INSC: variants seen among roughly 807,000 people sequenced by gnomAD.
The protein encoded by INSC is protein inscuteable homolog.
INSC carries 67 observed loss-of-function variants against 58.6 expected under a neutral mutation model. The observed-to-expected ratio is 1.14, with a 90% CI of 0.94 to 1.40. The LOEUF (loss-of-function observed/expected upper bound fraction) is 1.40, where lower values mean the gene tolerates loss of function less well. Ranked by LOEUF, INSC falls within the 40% of genes most tolerant of loss-of-function variation. The pLI is 0.00. For missense variants in INSC, 714 were observed against 692.0 expected, an observed-to-expected ratio of 1.03 and a Z score of -0.36; for synonymous variants, 262 against 276.1, an observed-to-expected ratio of 0.95 and a Z score of 0.51.
chr11:15,132,298 T>C (rs1848143481), intron 1 of INSC, among the ~76,000 whole-genome samples: 1 of 152,150 alleles, frequency 6.6e-6, no homozygotes, highest in Non-Finnish European at 1.5e-5. Flanking sequence ...CTTTTTTCTT[T>C]ATTTGGAGGC....
At chr11:15,136,184 T>C (rs560041327) in intron 1 of INSC, among the ~76,000 whole-genome samples, 10 of 152,222 alleles carry the variant, frequency 6.6e-5, no homozygotes, top group Non-Finnish European at 1.2e-4. Context: ...GTTTATACTA[T>C]ACTGTAGTAT....
chr11:15,169,852 G>A (rs1849333652), intron 2 of INSC, among the ~76,000 whole-genome samples: 2 of 152,074 alleles, frequency 1.3e-5, no homozygotes, highest in African/African-American at 2.4e-5. Flanking sequence ...GATTGCTGAC[G>A]TCTTATATTA....
chr11:15,155,849 A>G (rs1209487992), intron 2 of INSC, among the ~76,000 whole-genome samples: 1 of 152,244 alleles, frequency 6.6e-6, no homozygotes, highest in Non-Finnish European at 1.5e-5. Flanking sequence ...ACTGGACACC[A>G]GATCAGCAGG....
chr11:15,241,551 C>T, intron 12 of INSC: 1 of 702,500 alleles, frequency 1.4e-6, no homozygotes, highest in Non-Finnish European at 2.6e-6. Flanking sequence ...ATTCTGCGTT[C>T]CATTCACTGT....
chr11:15,171,282 G>C (rs923395870), intron 2 of INSC, among the ~76,000 whole-genome samples: 1 of 152,090 alleles, frequency 6.6e-6, no homozygotes, highest in African/African-American at 2.4e-5. Flanking sequence ...GGTGGTCCCA[G>C]GTGCTGTAAT....
At chr11:15,113,003 GC>G (rs1382571828), upstream of INSC, among the ~76,000 whole-genome samples, 2 of 152,098 alleles carry the variant, frequency 1.3e-5, no homozygotes, top group African/African-American at 4.8e-5. Context: ...GAGGCAGGAT[GC>G]AAAACAGGTT....
intron 1 of INSC, among the ~76,000 whole-genome samples, chr11:15,138,046 G>T (rs957676403): frequency 6.6e-6 from 1 of 152,124 alleles, no homozygotes; most frequent in African/African-American, 2.4e-5. Flanking sequence ...TAATATTGTT[G>T]TATCTTGGGG....
intron 1 of INSC, among the ~76,000 whole-genome samples, chr11:15,134,925 A>G (rs1160026055): frequency 1.3e-5 from 2 of 151,980 alleles, no homozygotes; most frequent in African/African-American, 4.8e-5. Flanking sequence ...GGGAAGAGAG[A>G]GGGAGCATCA....
chr11:15,269,399 C>G, the INSC span, among the ~76,000 whole-genome samples: 1 of 152,184 alleles, frequency 6.6e-6, no homozygotes, highest in Middle Eastern at 3.4e-3. Context: ...CAACGTCTCC[C>G]AACCATCTTT....
the INSC span, among the ~76,000 whole-genome samples, chr11:15,257,838 C>G: frequency 6.6e-6 from 1 of 152,222 alleles, no homozygotes; most frequent in South Asian, 2.1e-4. Flanking sequence ...CCCTGCCCAC[C>G]CTTGATCTGT....
intron 8 of INSC, among the ~76,000 whole-genome samples, chr11:15,222,189 G>A (rs189156456): frequency 1.3e-5 from 2 of 152,242 alleles, no homozygotes; most frequent in East Asian, 3.9e-4. Flanking sequence ...ACCCCCAGCA[G>A]GAGAATCATA....
At chr11:15,220,755 T>A (rs1589985457) in intron 7 of INSC, among the ~76,000 whole-genome samples, 1 of 152,336 alleles carries the variant, frequency 6.6e-6, no homozygotes, top group East Asian at 1.9e-4. Flanking sequence ...CAGAAGCTGT[T>A]ATGCCAAGAG....
intron 6 of INSC, among the ~76,000 whole-genome samples, chr11:15,194,112 G>T (rs1850283731): frequency 6.6e-6 from 1 of 152,202 alleles, no homozygotes; most frequent in African/African-American, 2.4e-5. Flanking sequence ...TAGCTTCATG[G>T]TTAATTTGCC....
chr11:15,256,503 T>C, the INSC span, among the ~76,000 whole-genome samples: 3 of 151,846 alleles, frequency 2.0e-5, no homozygotes, highest in Admixed American at 2.0e-4. Flanking sequence ...TTTTTTTTTT[T>C]TTTTGAGAGG....
chr11:15,124,838 G>A (rs1203661883), intron 1 of INSC, among the ~76,000 whole-genome samples: 1 of 152,090 alleles, frequency 6.6e-6, no homozygotes, highest in Non-Finnish European at 1.5e-5. Flanking sequence ...ATGCCTGAAG[G>A]TTGCAAGGGT....
chr11:15,156,168 G>T (rs1003297830), intron 2 of INSC, among the ~76,000 whole-genome samples: 13 of 152,158 alleles, frequency 8.5e-5, no homozygotes, highest in African/African-American at 3.1e-4. Context: ...GTGATGTTGA[G>T]GCCAGGGTCA....
Position 15,247,078 on chromosome 11 carries a change from A to G in INSC, c.*1038A>G, listed in dbSNP as rs1852591102. 6.6e-6 allele frequency: 1 copy of G among 151,872 alleles called. No homozygotes were observed. Among genetic ancestry groups the G allele is most frequent in the Admixed American group, 6.6e-5 (1 of 15,234 alleles). The allele number at this position is 151,872 out of a possible 1,614,324, so 9.4% of individuals were successfully genotyped here. On this transcript the variant is annotated 3_prime_UTR_variant, in exon 13 of 13. Transcript: ENST00000379556. ...TTTACCAATTTCACTGCTTGAAAGT[A>G]TCACAAAAATCTGGGGATCCTTTTG...
At position 15,168,863 on chromosome 11, in the gene INSC, C is replaced by G. The variant is rs1849292657; in HGVS notation, c.57-6878C>G. 3.9e-5 allele frequency among the ~76,000 whole-genome samples: 6 copies of G among 152,004 alleles called. No homozygotes were observed. In the South Asian group the frequency reaches 1.2e-3, roughly 32 times the overall value. On this transcript the variant is annotated intron_variant, in intron 2 of 12. Coordinates refer to ENST00000379556, the MANE Select transcript of INSC (RefSeq NM_001042536.3). ...TTGCTGAATTCATGGATGTGTTGAC[C>G]TTATGAAAATGTATTGAACTGTAGC...
intron 2 of INSC, among the ~76,000 whole-genome samples, chr11:15,167,337 G>C (rs761511450): frequency 6.6e-6 from 1 of 152,108 alleles, no homozygotes; most frequent in Non-Finnish European, 1.5e-5. Context: ...CTGAGTAGAG[G>C]TAGGCGGAGG....
Sources: gnomAD v4.1 joint callset for allele counts (sites outside exome capture counted in the v4.1 genomes callset) on GRCh38, gnomAD v4.1.1 for gene constraint, MANE v1.5 for transcripts, NCBI Gene and HGNC (gene_info 2026-07-23, HGNC 2026-07-21) for gene names.